The following CPNE4 variants were observed in gnomAD, a reference collection of about 807,000 sequenced individuals.
CPNE4 encodes the protein copine 4, also known as copine-4.
A neutral mutation model predicts 67.9 loss-of-function variants in CPNE4; 25 were observed. The observed-to-expected ratio is 0.37, with a 90% CI of 0.27 to 0.51. The LOEUF (loss-of-function observed/expected upper bound fraction) is 0.51. Among genes scored for constraint, CPNE4 ranks in the 20% least tolerant of loss-of-function variants. The pLI, the probability that CPNE4 is intolerant of heterozygous loss-of-function variation, is 0.93. For missense variants in CPNE4, 464 were observed against 690.8 expected (o/e 0.67, Z 3.68); for synonymous variants, 242 against 244.9 (o/e 0.99, Z 0.11).
chr3:131,555,784 A>T (rs1469970097), intron 11 of CPNE4, among the ~76,000 whole-genome samples: 1 of 151,886 alleles, frequency 6.6e-6, no homozygotes, highest in Non-Finnish European at 1.5e-5. Flanking sequence ...TTCCTCCCTT[A>T]ATTTTTTTGC....
chr3:131,914,245 T>G (rs1187117651), intron 1 of CPNE4, among the ~76,000 whole-genome samples: 1 of 152,148 alleles, frequency 6.6e-6, no homozygotes, highest in East Asian at 1.9e-4. Context: ...AATACAGAAC[T>G]TATGCCCTTA....
intron 1 of CPNE4, among the ~76,000 whole-genome samples, chr3:132,027,401 A>C (rs928525719): frequency 2.0e-5 from 3 of 152,186 alleles, no homozygotes; most frequent in African/African-American, 7.2e-5. Flanking sequence ...CTTATTCCAT[A>C]AGAGGCATTT....
intron 1 of CPNE4, among the ~76,000 whole-genome samples, chr3:131,998,286 T>C (rs1310558164): frequency 6.6e-6 from 1 of 152,110 alleles, no homozygotes; most frequent in Non-Finnish European, 1.5e-5. Flanking sequence ...CAATTGCTGA[T>C]CCCACGTGTG....
At chr3:131,854,372 T>C (rs2086355791) in intron 2 of CPNE4, among the ~76,000 whole-genome samples, 1 of 151,846 alleles carries the variant, frequency 6.6e-6, no homozygotes, top group South Asian at 2.1e-4. Context: ...GAAGAGCTTG[T>C]AAGGGGAAAA....
At chr3:131,884,004 A>G (rs1485937474) in intron 2 of CPNE4, among the ~76,000 whole-genome samples, 2 of 152,182 alleles carry the variant, frequency 1.3e-5, no homozygotes, top group Admixed American at 6.5e-5. Flanking sequence ...ATAATTTTTA[A>G]ACAAGCCCCC....
chr3:131,660,633 A>G (rs2080099750), intron 7 of CPNE4, among the ~76,000 whole-genome samples: 1 of 152,180 alleles, frequency 6.6e-6, no homozygotes. Context: ...CCAGAGTCAT[A>G]AAGACTTGAT....
At chr3:131,794,359 C>A (rs570505957) in intron 2 of CPNE4, among the ~76,000 whole-genome samples, 1 of 152,170 alleles carries the variant, frequency 6.6e-6, no homozygotes, top group Non-Finnish European at 1.5e-5. Context: ...ATTCTCCTGC[C>A]TCAGCCTCCT....
At chr3:131,827,717 A>G (rs371249744) in intron 2 of CPNE4, among the ~76,000 whole-genome samples, 1 of 152,076 alleles carries the variant, frequency 6.6e-6, no homozygotes, top group Non-Finnish European at 1.5e-5. Flanking sequence ...GAAATGTAGG[A>G]AAGTATGCTT....
intron 1 of CPNE4, among the ~76,000 whole-genome samples, chr3:131,945,629 T>C (rs1364615359): frequency 3.3e-5 from 5 of 152,182 alleles, no homozygotes; most frequent in African/African-American, 7.2e-5. Flanking sequence ...TTTGTACAAG[T>C]GTAGAAACTG....
chr3:131,912,105 G>GGTTTTA (rs112443425), intron 1 of CPNE4, among the ~76,000 whole-genome samples: 61,029 of 151,508 alleles, frequency 0.4, 12,700 homozygotes, highest in African/African-American at 0.52. Context: ...ACAATACCTT[G>GGTTTTA]GGGAGACTAA....
At chr3:131,960,191 C>T (rs2107918232) in intron 1 of CPNE4, among the ~76,000 whole-genome samples, 1 of 152,152 alleles carries the variant, frequency 6.6e-6, no homozygotes, top group East Asian at 1.9e-4. Flanking sequence ...AATCATATTA[C>T]TTCAGAAACC....
At chr3:131,628,879 T>TC (rs1389722502) in intron 7 of CPNE4, among the ~76,000 whole-genome samples, 1 of 87,272 alleles carries the variant, frequency 1.1e-5, no homozygotes, top group Non-Finnish European at 1.9e-5. Context: ...TTTTGAAGGG[T>TC]TTTTTGTGTC....
intron 1 of CPNE4, among the ~76,000 whole-genome samples, chr3:131,959,289 C>G (rs61793599): frequency 0.68 from 64,411 of 94,900 alleles, 23,153 homozygotes; most frequent in Admixed American, 0.77. Context: ...CGTGAGCCAC[C>G]GCGCCCGGCC....
intron 7 of CPNE4, among the ~76,000 whole-genome samples, chr3:131,597,264 C>G (rs1435410473): frequency 6.6e-6 from 1 of 151,210 alleles, no homozygotes; most frequent in Non-Finnish European, 1.5e-5. Flanking sequence ...ACAATGAAGA[C>G]ACATGGACAC....
At chr3:131,978,969 G>T (rs1263403738) in intron 1 of CPNE4, among the ~76,000 whole-genome samples, 1 of 152,064 alleles carries the variant, frequency 6.6e-6, no homozygotes, top group East Asian at 1.9e-4. Context: ...TCAGGAGCAG[G>T]TTATTTAATT....
At chr3:132,020,862 G>C (rs963139846) in intron 1 of CPNE4, among the ~76,000 whole-genome samples, 5 of 152,178 alleles carry the variant, frequency 3.3e-5, no homozygotes, top group South Asian at 4.1e-4. Context: ...AGTCTCAAAT[G>C]TTGCTGAACA....
chr3:131,835,679 G>C (rs2085528386), intron 2 of CPNE4, among the ~76,000 whole-genome samples: 1 of 152,094 alleles, frequency 6.6e-6, no homozygotes, highest in Non-Finnish European at 1.5e-5. Flanking sequence ...GCCTATCTGT[G>C]ACATATAGGT....
In CPNE4 at chr3:131,717,942, C is replaced by CT. The variant is rs376553304; in HGVS notation, c.360+5503dup. On this transcript the variant is annotated intron_variant, in intron 3 of 15. Transcript: ENST00000429747. The stretch of plus-strand genomic sequence containing the variant: ...TCTTTCTTTCTTTCTTTCTTTCTTT[C>CT]TTTTCTTTCTTTCTCTCTTTCTTTC... Among the ~76,000 whole-genome samples, 54 of 110,606 alleles carry CT rather than the reference C, an allele frequency of 4.9e-4. 1 individual carries two copies. Among genetic ancestry groups the CT allele is most frequent in the Non-Finnish European group, 8.7e-4 (46 of 52,738 alleles). The allele number at this position is 110,606 out of a possible 152,430, so 72.6% of individuals were successfully genotyped here. A position where few individuals can be genotyped will look rare whatever the true frequency, so the allele number is the denominator to read the frequency against.
At chr3:131,655,989 T>C (rs751582879) in intron 7 of CPNE4, among the ~76,000 whole-genome samples, 11 of 151,652 alleles carry the variant, frequency 7.3e-5, no homozygotes, top group Non-Finnish European at 1.6e-4. Flanking sequence ...TTTTCTAAGA[T>C]TTTAGGCCTC....
Sources: gnomAD v4.1 joint callset for allele counts (sites outside exome capture counted in the v4.1 genomes callset) on GRCh38, gnomAD v4.1.1 for gene constraint, MANE v1.5 for transcripts, NCBI Gene and HGNC (gene_info 2026-07-23, HGNC 2026-07-21) for gene names.